The following RIMS1 variants were observed in gnomAD, a reference collection of about 807,000 sequenced individuals.
RIMS1 encodes the protein regulating synaptic membrane exocytosis 1, also known as regulating synaptic membrane exocytosis protein 1.
Under a neutral mutation model 214.1 loss-of-function variants are expected in RIMS1, and 83 were observed. The observed-to-expected ratio is 0.39, with a 90% CI of 0.32 to 0.47. The LOEUF (loss-of-function observed/expected upper bound fraction) is 0.47, where lower values mean the gene tolerates loss of function less well. Among genes scored for constraint, RIMS1 ranks in the 20% least tolerant of loss-of-function variants. The pLI is 0.99. For synonymous variants in RIMS1, 793 were observed against 786.8 expected, an observed-to-expected ratio of 1.01 and a Z score of -0.13; for missense variants, 2,050 against 2,161.8, an observed-to-expected ratio of 0.95 and a Z score of 1.03.
rs1239814518 is a variant in RIMS1 at position 72,271,660 on chromosome 6, G to A, written c.3399-2689G>A. On this transcript the variant is annotated intron_variant, in intron 22 of 33. Coordinates refer to ENST00000521978, the MANE Select transcript of RIMS1 (RefSeq NM_014989.7). ...ATCAATGCCTGGGGGAGAGGGAAGA[G>A]CTGCAACATAAGTATCATTTAATTG... 3.3e-5 allele frequency among the ~76,000 whole-genome samples: 5 copies of A among 152,072 alleles called. No individual in the cohort carries two copies. In the East Asian group the frequency reaches 7.7e-4, roughly 23 times the overall value.
In RIMS1 at chr6:72,196,580, C is replaced by CTTTTTTTTT. The variant is rs61651151; in HGVS notation, c.1678+13446_1678+13454dup. ...AGTACTGTGCTGGCAGCCAGCTGCA[C>CTTTTTTTTT]TTTTTTTTTTTTTTTTTTTTTTTAC... On this transcript the variant is annotated intron_variant, in intron 6 of 33. Coordinates refer to ENST00000521978, the MANE Select transcript of RIMS1 (RefSeq NM_014989.7). Among the ~76,000 whole-genome samples, 10 of 57,208 alleles carry CTTTTTTTTT rather than the reference C, an allele frequency of 1.7e-4. 2 individuals are homozygous for CTTTTTTTTT. The East Asian group carries it at 3.6e-3, about 21-fold the overall frequency. 37.5% of individuals were successfully genotyped at this position (57,208 alleles called of 152,430 possible). A position where few individuals can be genotyped will look rare whatever the true frequency, so the allele number is the denominator to read the frequency against.
At chr6:72,235,755 T>C (rs767489764) in intron 8 of RIMS1, 27 bp downstream of exon 8, 2 of 1,402,976 alleles carry the variant, frequency 1.4e-6, no homozygotes, top group Admixed American at 1.9e-5. Flanking sequence ...AAAATGTTTC[T>C]TAAAGGGTGA....
At chr6:72,223,840 CG>C (rs1486528912) in intron 6 of RIMS1, among the ~76,000 whole-genome samples, 2 of 147,570 alleles carry the variant, frequency 1.4e-5, no homozygotes, top group East Asian at 4.2e-4. Context: ...CCCAGTTACT[CG>C]GGAGGCTGAG....
chr6:72,040,409 C>G (rs1408850036), intron 2 of RIMS1, among the ~76,000 whole-genome samples: 1 of 151,930 alleles, frequency 6.6e-6, no homozygotes, highest in Non-Finnish European at 1.5e-5. Flanking sequence ...AAATGCCTGT[C>G]TAGATTTTGA....
At chr6:72,277,505 C>T (rs538082830) in intron 23 of RIMS1, among the ~76,000 whole-genome samples, 2 of 152,046 alleles carry the variant, frequency 1.3e-5, no homozygotes, top group Non-Finnish European at 2.9e-5. Flanking sequence ...TGGCGTGAAC[C>T]CGGGAGGCGG....
chr6:71,952,884 G>T (rs1467823339), intron 1 of RIMS1, among the ~76,000 whole-genome samples: 1 of 152,114 alleles, frequency 6.6e-6, no homozygotes, highest in Non-Finnish European at 1.5e-5. Flanking sequence ...TGGCCTTCAA[G>T]CTGCAGATTG....
intron 29 of RIMS1, among the ~76,000 whole-genome samples, chr6:72,351,192 T>C (rs1333607935): frequency 1.3e-5 from 2 of 151,570 alleles, no homozygotes; most frequent in Admixed American, 6.6e-5. Flanking sequence ...CTCCCCAAGA[T>C]GTAAAAAAAA....
intron 1 of RIMS1, among the ~76,000 whole-genome samples, chr6:71,894,490 A>G (rs1456682211): frequency 2.6e-5 from 4 of 152,210 alleles, no homozygotes; most frequent in Non-Finnish European, 4.4e-5. Context: ...GAATCTCAAC[A>G]GAATGATGCT....
intron 2 of RIMS1, among the ~76,000 whole-genome samples, chr6:72,043,409 T>C (rs1456530487): frequency 6.6e-6 from 1 of 151,866 alleles, no homozygotes; most frequent in Non-Finnish European, 1.5e-5. Context: ...TTGTATGGAC[T>C]GTATGATACT....
chr6:71,972,394 C>T (rs564130392), intron 2 of RIMS1, among the ~76,000 whole-genome samples: 11 of 151,924 alleles, frequency 7.2e-5, no homozygotes, highest in Admixed American at 3.9e-4. Context: ...AAAGCTCAAC[C>T]GAGTAGGGAA....
intron 29 of RIMS1, among the ~76,000 whole-genome samples, chr6:72,388,387 G>A (rs2098648482): frequency 6.6e-6 from 1 of 152,214 alleles, no homozygotes; most frequent in African/African-American, 2.4e-5. Flanking sequence ...AGGGGCAGAA[G>A]ATGAGATGTG....
chr6:72,036,119 A>G (rs1819538783), intron 2 of RIMS1, among the ~76,000 whole-genome samples: 1 of 152,122 alleles, frequency 6.6e-6, no homozygotes, highest in African/African-American at 2.4e-5. Context: ...ATCCAGATCA[A>G]TTTCCTTTAT....
chr6:72,291,859 A>T, intron 25 of RIMS1, 75 bp from the exon 26 acceptor site: 1 of 1,084,670 alleles, frequency 9.2e-7, no homozygotes, highest in Non-Finnish European at 1.4e-6. Context: ...TAATCGTAAC[A>T]GAAAGGAGGA....
Position 72,392,819 on chromosome 6 carries a change from C to G in RIMS1, c.4618+9C>G, listed in dbSNP as rs764148881. On this transcript the variant is annotated intron_variant, in intron 31 of 33. Coordinates refer to ENST00000521978, the MANE Select transcript of RIMS1 (RefSeq NM_014989.7). ...TGCCACCCCTGCAATGGGTAAGAAT[C>G]ATTTTTTTTTTCTACAAGAAAATTG... 18 of 1,549,126 alleles carry G rather than the reference C, an allele frequency of 1.2e-5. No homozygotes were observed. The highest frequency in any genetic ancestry group is 1.6e-5 in the Non-Finnish European group (18 of 1,135,248).
At chr6:72,115,825 A>T (rs1367189600) in intron 4 of RIMS1, among the ~76,000 whole-genome samples, 1 of 151,620 alleles carries the variant, frequency 6.6e-6, no homozygotes, top group Non-Finnish European at 1.5e-5. Context: ...AGATGCTTTC[A>T]TTTGAACCCA....
At chr6:72,179,536 G>C in intron 4 of RIMS1, 39 bp from the exon 5 acceptor site, 16 of 1,420,670 alleles carry the variant, frequency 1.1e-5, no homozygotes, top group Non-Finnish European at 1.6e-5. Context: ...ATTTCCAAGA[G>C]GGCATAAAAA....
chr6:72,121,864 G>C lies in RIMS1; in HGVS notation c.471+21878G>C, dbSNP rs571485880. 4.8e-4 allele frequency among the ~76,000 whole-genome samples: 73 copies of C among 151,968 alleles called. 2 individuals are homozygous for C. Among genetic ancestry groups the C allele is most frequent in the Non-Finnish European group, 7.8e-4 (53 of 67,846 alleles). On this transcript the variant is annotated intron_variant, in intron 4 of 33. Transcript: ENST00000521978. The stretch of plus-strand genomic sequence containing the variant: ...TTTATTGGGAGCTTTTAGGATAAAG[G>C]GCTGTTGAATTTTGTCGAAGGACTT...
chr6:72,217,164 A>G (rs1447590761), intron 6 of RIMS1: 2 of 1,536,506 alleles, frequency 1.3e-6, no homozygotes, highest in Admixed American at 2.0e-5. Flanking sequence ...AGTGGCATTT[A>G]GTTAACCACT....
At chr6:72,118,927 C>A (rs1177682276) in intron 4 of RIMS1, among the ~76,000 whole-genome samples, 1 of 151,318 alleles carries the variant, frequency 6.6e-6, no homozygotes, top group African/African-American at 2.4e-5. Context: ...ACAAGGATAC[C>A]CACTTTCACC....
Sources: gnomAD v4.1 joint callset for allele counts (sites outside exome capture counted in the v4.1 genomes callset) on GRCh38, gnomAD v4.1.1 for gene constraint, MANE v1.5 for transcripts, NCBI Gene and HGNC (gene_info 2026-07-23, HGNC 2026-07-21) for gene names.